The following PWWP2A variants were observed in gnomAD, a reference collection of about 807,000 sequenced individuals.
The protein encoded by PWWP2A is PWWP domain-containing protein 2A.
PWWP2A carries 18 observed loss-of-function variants against 48.5 expected under a neutral mutation model. The ratio of observed to expected loss-of-function variants is 0.37; its 90% CI spans 0.26 to 0.55. PWWP2A has a LOEUF of 0.55. Ranked by LOEUF, PWWP2A falls within the 20% of genes least tolerant of loss-of-function variation. The pLI, the probability that PWWP2A is intolerant of heterozygous loss-of-function variation, is 0.81. For missense variants in PWWP2A, 867 were observed against 976.4 expected (o/e 0.89, Z 1.49); for synonymous variants, 396 against 387.7 (o/e 1.02, Z -0.25).
downstream of PWWP2A, among the ~76,000 whole-genome samples, chr5:160,060,659 T>C (rs977506060): frequency 1.6e-4 from 24 of 152,286 alleles, no homozygotes; most frequent in South Asian, 4.1e-4. Context: ...GGAAGCTGCT[T>C]TAGCCTCTGA....
intron 1 of PWWP2A, among the ~76,000 whole-genome samples, chr5:160,104,792 G>A (rs1450353635): frequency 1.3e-5 from 2 of 152,084 alleles, no homozygotes; most frequent in African/African-American, 4.8e-5. Flanking sequence ...GCGACAGAGT[G>A]AGACTCCCTC....
chr5:160,080,873 G>T, intron 2 of PWWP2A: 1 of 1,024,510 alleles, frequency 9.8e-7, no homozygotes, highest in Non-Finnish European at 1.4e-6. Context: ...AAATTCAGGT[G>T]AATTTTCATA....
At chr5:160,118,611 AC>A (rs1418538099) in intron 1 of PWWP2A, among the ~76,000 whole-genome samples, 193 bp downstream of exon 1, 1 of 149,602 alleles carries the variant, frequency 6.7e-6, no homozygotes, top group Admixed American at 6.7e-5. Flanking sequence ...GCAGGCGCCC[AC>A]CTGGGGCCGG....
intron 2 of PWWP2A, among the ~76,000 whole-genome samples, chr5:160,083,452 G>C (rs1032093376): frequency 3.9e-5 from 6 of 152,142 alleles, no homozygotes; most frequent in Non-Finnish European, 7.4e-5. Flanking sequence ...CAATAAAAAC[G>C]AAAATGTTCA....
chr5:160,092,623 ATAG>A lies in PWWP2A; in HGVS notation c.2024_2026del (p.Thr675del). 1 of 1,551,710 alleles carries A rather than the reference ATAG, an allele frequency of 6.4e-7. No individual in the cohort carries two copies. Among genetic ancestry groups the A allele is most frequent in the Non-Finnish European group, 8.7e-7 (1 of 1,147,008 alleles). On this transcript the variant is annotated inframe_deletion, in exon 2 of 2. Transcript: ENST00000307063. ...GCCGTTATCTTTCCGGCTCACAGTT[ATAG>A]TAAGAATACGGGCTGGCCACCAAGG...
chr5:160,098,678 A>C (rs1458448832), intron 1 of PWWP2A, among the ~76,000 whole-genome samples: 2 of 152,244 alleles, frequency 1.3e-5, no homozygotes, highest in Admixed American at 1.3e-4. Context: ...GTAGGCTAAA[A>C]TGTTTGAGAA....
At chr5:160,117,530 G>A (rs185676200) in intron 1 of PWWP2A, among the ~76,000 whole-genome samples, 5 of 152,180 alleles carry the variant, frequency 3.3e-5, no homozygotes, top group African/African-American at 7.2e-5. Flanking sequence ...GGTGGCGCAC[G>A]CCTGTAGTCC....
At chr5:160,046,529 C>G in the PWWP2A span, among the ~76,000 whole-genome samples, 1 of 152,030 alleles carries the variant, frequency 6.6e-6, no homozygotes, top group Non-Finnish European at 1.5e-5. Flanking sequence ...TGATCTCATT[C>G]AGTTCTGAAG....
rs1755295572 is a variant in PWWP2A, at chr5:160,093,461, T to G, written c.1189A>C (p.Arg397=). 6.2e-7 allele frequency: 1 copy of G among 1,613,530 alleles called. No individual in the cohort carries two copies. The highest frequency in any genetic ancestry group is 8.5e-7 in the Non-Finnish European group (1 of 1,179,826). Residue 397 remains arginine (R), a synonymous_variant, in exon 2 of 2, where the codon AGA becomes CGA. Transcript: ENST00000307063. The surrounding 1 kb of genome is among the most constrained non-coding windows in gnomAD (Gnocchi z 5.8). ...GCCTGAGCAGAAACTTTTACTACTC[T>G]GCCTCTGCTGTGAGCAATATTTGAA... ...KVSNIAHSRG[R]VVKVSAQANT...
intron 1 of PWWP2A, chr5:160,105,501 G>A (rs1756793411): frequency 6.2e-6 from 1 of 160,008 alleles, no homozygotes. Flanking sequence ...GTTGCAGCGA[G>A]CCGAGATCGC....
At chr5:160,081,564 G>A (rs1754235813) in intron 2 of PWWP2A, among the ~76,000 whole-genome samples, 1 of 152,060 alleles carries the variant, frequency 6.6e-6, no homozygotes, top group Non-Finnish European at 1.5e-5. Context: ...TTAGCAAAAT[G>A]ACCAAAAACT....
chr5:160,090,962 C>A, downstream of PWWP2A: 9 of 985,100 alleles, frequency 9.1e-6, no homozygotes, highest in Non-Finnish European at 1.1e-5. Context: ...AAGTTACTAG[C>A]CCCAAAAGCA....
In PWWP2A at chr5:160,119,343, CG is replaced by C. The variant is rs1384329530; in HGVS notation, c.45del (p.Glu17ArgfsTer123). Reference sequence around the variant, plus strand: ...TCGGCCTCGCCGGCGCCCCCCTCCCCGGGGGACGCTGCAGTCGCTGCCGCCT... The same window carrying C: ...TCGGCCTCGCCGGCGCCCCCCTCCCCGGGGACGCTGCAGTCGCTGCCGCCT... ...AAEAAATAAS[P>X]GEGGAGEAEP... is the part of the protein sequence containing the mutation. On this transcript the variant is annotated frameshift_variant, in exon 1 of 2. Coordinates refer to ENST00000307063, the MANE Select transcript of PWWP2A (RefSeq NM_001130864.2). LOFTEE classifies it high-confidence loss of function. 1 of 1,390,066 alleles carries C rather than the reference CG, an allele frequency of 7.2e-7. No homozygotes were observed. The highest frequency in any genetic ancestry group is 9.3e-7 in the Non-Finnish European group (1 of 1,078,240). 86.1% of individuals were successfully genotyped at this position (1,390,066 alleles called of 1,614,324 possible).
intron 1 of PWWP2A, chr5:160,105,721 G>A: frequency 1.2e-6 from 1 of 861,570 alleles, no homozygotes; most frequent in Non-Finnish European, 1.4e-6. Flanking sequence ...GTTACAGTGA[G>A]CCAAGATCGC....
chr5:160,061,076 T>C (rs1753373960), downstream of PWWP2A, among the ~76,000 whole-genome samples: 1 of 152,202 alleles, frequency 6.6e-6, no homozygotes, highest in African/African-American at 2.4e-5. Flanking sequence ...ACGGGAACCG[T>C]AGGCTGACGG....
chr5:160,113,205 T>C, intron 1 of PWWP2A: 1 of 981,048 alleles, frequency 1.0e-6, no homozygotes, highest in Middle Eastern at 5.3e-4. Flanking sequence ...CTCTGTCCAG[T>C]CAATAATTTA....
intron 1 of PWWP2A, among the ~76,000 whole-genome samples, chr5:160,108,889 G>A (rs1008358608): frequency 3.3e-5 from 5 of 152,148 alleles, no homozygotes; most frequent in Non-Finnish European, 1.5e-5. Flanking sequence ...ATGTTGCCAA[G>A]GCTGGTTCAA....
chr5:160,106,584 T>A (rs1756919432), intron 1 of PWWP2A, among the ~76,000 whole-genome samples: 1 of 152,058 alleles, frequency 6.6e-6, no homozygotes, highest in East Asian at 1.9e-4. Flanking sequence ...TTATAGGGAT[T>A]ATGAGTTTTA....
Position 160,081,383 on chromosome 5 carries a change from C to T in PWWP2A, c.1550-613G>A, listed in dbSNP as rs149636286. On this transcript the variant is annotated intron_variant, in intron 2 of 3. Transcript: ENST00000456329. ...CCTTCTGAGTAGCTAGGATTACAGG[C>T]GCCCGCCACCACACCTGGCTAATTT... Among the ~76,000 whole-genome samples, 142 of 151,954 alleles carry T rather than the reference C, an allele frequency of 9.3e-4. 1 individual carries two copies. The highest frequency in any genetic ancestry group is 3.2e-3 in the African/African-American group (132 of 41,458).
Sources: allele counts gnomAD v4.1 joint callset (sites outside exome capture counted in the v4.1 genomes callset), GRCh38; gene constraint gnomAD v4.1.1; non-coding constraint Gnocchi (gnomAD v3.1); transcripts MANE v1.5; gene names NCBI Gene and HGNC (gene_info 2026-07-23, HGNC 2026-07-21).